The following DLG2 variants were observed in gnomAD, a reference collection of about 807,000 sequenced individuals.
The protein encoded by DLG2 is discs large MAGUK scaffold protein 2, also known as disks large homolog 2.
In DLG2, 45 loss-of-function variants were observed where a neutral mutation model predicts 132.5. The ratio of observed to expected loss-of-function variants is 0.34; its 90% CI spans 0.27 to 0.44. The LOEUF is 0.44. DLG2 is among the 20% of genes least tolerant of loss of function. The pLI, the probability that DLG2 is intolerant of heterozygous loss-of-function variation, is 1.00. For synonymous variants in DLG2, 424 were observed against 419.6 expected (o/e 1.01, Z -0.13); for missense variants, 1,045 against 1,196.9 (o/e 0.87, Z 1.87).
chr11:84,631,772 A>G (rs1396634193), intron 6 of DLG2, among the ~76,000 whole-genome samples: 1 of 152,204 alleles, frequency 6.6e-6, no homozygotes, highest in Non-Finnish European at 1.5e-5. Context: ...AGCTGGTGCT[A>G]TTTCAGGTAA....
At chr11:83,886,666 C>T (rs554081556) in intron 15 of DLG2, among the ~76,000 whole-genome samples, 1 of 151,688 alleles carries the variant, frequency 6.6e-6, no homozygotes, top group South Asian at 2.1e-4. Context: ...CACCACACCA[C>T]ACCTATTCCA....
At chr11:85,430,451 T>C (rs1009132637) in intron 3 of DLG2, among the ~76,000 whole-genome samples, 6 of 152,156 alleles carry the variant, frequency 3.9e-5, no homozygotes, top group African/African-American at 1.4e-4. Context: ...CTAATTATCC[T>C]ATAATAGCAG....
intron 5 of DLG2, 41 bp downstream of exon 5, chr11:85,154,512 TACC>T: frequency 1.1e-6 from 1 of 951,112 alleles, no homozygotes; most frequent in Non-Finnish European, 1.6e-6. Flanking sequence ...AGACAAGTCT[TACC>T]CATGAAGCCT....
intron 6 of DLG2, among the ~76,000 whole-genome samples, chr11:84,838,790 C>T (rs2080178810): frequency 6.6e-6 from 1 of 152,046 alleles, no homozygotes; most frequent in Admixed American, 6.6e-5. Flanking sequence ...CAAAATTCAA[C>T]AACGCTTCAT....
At chr11:83,484,679 T>A (rs1287037070) in intron 21 of DLG2, among the ~76,000 whole-genome samples, 1 of 152,148 alleles carries the variant, frequency 6.6e-6, no homozygotes, top group Non-Finnish European at 1.5e-5. Flanking sequence ...GCTATACAAA[T>A]GTCTTATCAC....
intron 18 of DLG2, among the ~76,000 whole-genome samples, chr11:83,752,826 T>C (rs1034001047): frequency 4.6e-5 from 7 of 152,178 alleles, no homozygotes; most frequent in African/African-American, 9.6e-5. Context: ...GCCAGAAATA[T>C]GGGAAATTCA....
intron 19 of DLG2, 101 bp downstream of exon 19, chr11:83,633,110 G>A (rs2063854539): frequency 1.0e-6 from 1 of 992,266 alleles, no homozygotes; most frequent in Non-Finnish European, 1.6e-6. Context: ...GATGAAAGTG[G>A]GTTAAGTGGG....
intron 6 of DLG2, among the ~76,000 whole-genome samples, chr11:85,045,247 T>C (rs537738674): frequency 3.9e-5 from 6 of 152,134 alleles, no homozygotes; most frequent in Admixed American, 3.9e-4. Flanking sequence ...GTCCAAGGTT[T>C]AGTTAGCAGA....
intron 14 of DLG2, among the ~76,000 whole-genome samples, chr11:83,956,141 C>A (rs1220920162): frequency 6.6e-6 from 1 of 152,190 alleles, no homozygotes; most frequent in Non-Finnish European, 1.5e-5. Context: ...CTCTAGCTCC[C>A]CTCCCTGCTG....
At chr11:83,999,998 T>C (rs891880308) in intron 11 of DLG2, among the ~76,000 whole-genome samples, 1 of 147,546 alleles carries the variant, frequency 6.8e-6, no homozygotes, top group Non-Finnish European at 1.5e-5. Flanking sequence ...AGAAACACAA[T>C]AATTCTCTAG....
At position 83,809,506 on chromosome 11, in the gene DLG2, T is replaced by C. The variant is rs551059072; in HGVS notation, c.1723-22714A>G. Among the ~76,000 whole-genome samples, 3 of 152,272 alleles carry C rather than the reference T, an allele frequency of 2.0e-5. No homozygotes were observed. In the South Asian group the frequency reaches 6.2e-4, roughly 32 times the overall value. ...CTGTCTACTATAGAGACCTGCTACA[T>C]ATCAAAGAACCAAGTGAATGTTCAA... On this transcript the variant is annotated intron_variant, in intron 17 of 27. Transcript: ENST00000376104.
At chr11:85,412,578 C>CT (rs374182954) in intron 3 of DLG2, among the ~76,000 whole-genome samples, 202 of 151,664 alleles carry the variant, frequency 1.3e-3, no homozygotes, top group African/African-American at 4.9e-3. Context: ...CCTTTGCATC[C>CT]TCATAGCTCA....
intron 9 of DLG2, among the ~76,000 whole-genome samples, chr11:84,125,636 C>G (rs1161081886): frequency 1.3e-5 from 2 of 152,096 alleles, no homozygotes; most frequent in Non-Finnish European, 2.9e-5. Flanking sequence ...GCACAGCTGT[C>G]AATAAGAAAC....
At chr11:84,703,881 T>TATATATATATATATATATATAA (rs1039735623) in intron 6 of DLG2, among the ~76,000 whole-genome samples, 2 of 122,744 alleles carry the variant, frequency 1.6e-5, no homozygotes, top group Non-Finnish European at 3.3e-5. Context: ...TATATATATA[T>TATATATATATATATATATATAA]ATACACGTGT....
At chr11:84,094,038 G>A (rs968563687) in intron 10 of DLG2, among the ~76,000 whole-genome samples, 46 of 151,602 alleles carry the variant, frequency 3.0e-4, no homozygotes, top group Admixed American at 2.6e-3. Flanking sequence ...AGTTACATAT[G>A]TATACATGTG....
chr11:84,694,163 G>A (rs187739273), intron 6 of DLG2, among the ~76,000 whole-genome samples: 26 of 151,698 alleles, frequency 1.7e-4, no homozygotes, highest in Non-Finnish European at 3.2e-4. Context: ...GGTGGAGAAG[G>A]GAAGGAAGAC....
At chr11:84,752,098 C>T (rs2066194651) in intron 6 of DLG2, among the ~76,000 whole-genome samples, 1 of 152,184 alleles carries the variant, frequency 6.6e-6, no homozygotes, top group African/African-American at 2.4e-5. Flanking sequence ...AAAAGGCCAT[C>T]TTATGTCGTG....
In DLG2 at chr11:83,909,300, CA is replaced by C. The variant is rs1428750523; in HGVS notation, c.1496+21027del. ...GTACATTATACACTGAGCACTGAAACAAATAATGTCTGAGACTCCTTTCAGT... is the reference window on the plus strand; with the variant it reads ...GTACATTATACACTGAGCACTGAAACAATAATGTCTGAGACTCCTTTCAGT... On this transcript the variant is annotated intron_variant, in intron 15 of 27. Coordinates refer to ENST00000376104, the MANE Select transcript of DLG2 (RefSeq NM_001142699.3). Among the ~76,000 whole-genome samples, 39 of 152,274 alleles carry C rather than the reference CA, an allele frequency of 2.6e-4. 1 individual carries two copies. The highest frequency in any genetic ancestry group is 5.9e-5 in the Non-Finnish European group (4 of 68,012).
At chr11:83,700,881 T>C (rs562040322) in intron 18 of DLG2, among the ~76,000 whole-genome samples, 2 of 152,334 alleles carry the variant, frequency 1.3e-5, no homozygotes, top group East Asian at 1.9e-4. Flanking sequence ...TGTTCAGATA[T>C]TGTAACCCAA....
Sources: allele counts gnomAD v4.1 joint callset (sites outside exome capture counted in the v4.1 genomes callset), GRCh38; gene constraint gnomAD v4.1.1; transcripts MANE v1.5; gene names NCBI Gene and HGNC (gene_info 2026-07-23, HGNC 2026-07-21).